HMCN1: variants seen among roughly 807,000 people sequenced by gnomAD.
HMCN1 encodes the protein hemicentin 1, also known as hemicentin-1.
HMCN1 carries 321 observed loss-of-function variants against 625.9 expected under a neutral mutation model. The ratio of observed to expected loss-of-function variants is 0.51; its 90% CI spans 0.47 to 0.56. The LOEUF is 0.56. Ranked by LOEUF, HMCN1 falls within the 20% of genes least tolerant of loss-of-function variation. The pLI, the probability that HMCN1 is intolerant of heterozygous loss-of-function variation, is 0.00. For synonymous variants in HMCN1, 2,425 were observed against 2,417.6 expected, an observed-to-expected ratio of 1.00 and a Z score of -0.09; for missense variants, 6,588 against 6,887.3, an observed-to-expected ratio of 0.96 and a Z score of 1.54.
At chr1:186,006,334 C>A (rs542814619) in intron 29 of HMCN1, among the ~76,000 whole-genome samples, 1 of 152,020 alleles carries the variant, frequency 6.6e-6, no homozygotes, top group African/African-American at 2.4e-5. Flanking sequence ...CATTATGTGG[C>A]TAAGTCATTG....
At chr1:185,867,295 T>A (rs539626414) in intron 4 of HMCN1, among the ~76,000 whole-genome samples, 1 of 152,148 alleles carries the variant, frequency 6.6e-6, no homozygotes, top group East Asian at 1.9e-4. Context: ...CCCTCAACAG[T>A]TGATTTGCCT....
chr1:186,013,566 C>T (rs1654137284), intron 30 of HMCN1, among the ~76,000 whole-genome samples: 1 of 152,106 alleles, frequency 6.6e-6, no homozygotes, highest in African/African-American at 2.4e-5. Flanking sequence ...TTCTAATATC[C>T]TTTTCCATTA....
At chr1:186,171,622 T>C (rs903951896) in intron 101 of HMCN1, among the ~76,000 whole-genome samples, 172 bp downstream of exon 101, 1 of 152,084 alleles carries the variant, frequency 6.6e-6, no homozygotes, top group African/African-American at 2.4e-5. Context: ...GTTTTATGAG[T>C]TTCTTTTTCT....
intron 6 of HMCN1, among the ~76,000 whole-genome samples, chr1:185,918,847 TTC>T (rs1192941829): frequency 1.3e-5 from 2 of 152,168 alleles, no homozygotes; most frequent in Non-Finnish European, 2.9e-5. Flanking sequence ...TTTCCTGTTA[TTC>T]TCTGAGACTG....
chr1:186,158,927 T>A (rs1651232829), intron 97 of HMCN1, among the ~76,000 whole-genome samples: 1 of 152,220 alleles, frequency 6.6e-6, no homozygotes, highest in Non-Finnish European at 1.5e-5. Flanking sequence ...AGGCTCTTTT[T>A]TGGTTCCATA....
rs1414540598 is a variant in HMCN1, at chr1:186,042,453, C to T, written c.6304+1317C>T. ...AGTCACCACAGAAATCTGAGATGGACTCCTTACATTTCTACACTGGCTAGC... is the reference window on the plus strand; with the variant it reads ...AGTCACCACAGAAATCTGAGATGGATTCCTTACATTTCTACACTGGCTAGC... On this transcript the variant is annotated intron_variant, in intron 40 of 106. Transcript: ENST00000271588. Among the ~76,000 whole-genome samples, 10 of 152,198 alleles carry T rather than the reference C, an allele frequency of 6.6e-5. No homozygotes were observed. In the South Asian group the frequency reaches 1.2e-3, roughly 19 times the overall value.
chr1:186,019,736 A>G, intron 35 of HMCN1, 41 bp downstream of exon 35: 1 of 1,520,672 alleles, frequency 6.6e-7, no homozygotes, highest in Non-Finnish European at 9.1e-7. Flanking sequence ...GGAAAGCTAC[A>G]TATATCTTCC....
chr1:186,074,685 C>T, intron 52 of HMCN1, 56 bp from the exon 53 acceptor site: 1 of 1,506,340 alleles, frequency 6.6e-7, no homozygotes, highest in Admixed American at 1.7e-5. Context: ...ACTGCATGGC[C>T]TCTTAGAGGA....
intron 82 of HMCN1, among the ~76,000 whole-genome samples, chr1:186,127,262 A>C (rs1661693913): frequency 6.6e-6 from 1 of 152,072 alleles, no homozygotes. Context: ...TTAGAATAAG[A>C]AGTTCAATAG....
At position 186,023,087 on chromosome 1, in the gene HMCN1, A is replaced by C; in HGVS notation, c.5683A>C (p.Arg1895=). 1.2e-6 allele frequency: 2 copies of C among 1,613,422 alleles called. No individual in the cohort carries two copies. Among genetic ancestry groups the C allele is most frequent in the Non-Finnish European group, 1.7e-6 (2 of 1,179,468 alleles). Residue 1895 remains arginine (R), a synonymous_variant, in exon 36 of 107, where the codon AGA becomes CGA. Transcript: ENST00000271588. ...CAAAACCCTGTTGGAAGATGCTGGCAGATACACATGTGTGGCTACCAACGC... is the reference window on the plus strand; with the variant it reads ...CAAAACCCTGTTGGAAGATGCTGGCCGATACACATGTGTGGCTACCAACGC... The part of the protein sequence containing the change: ...IAKTLLEDAG[R]YTCVATNAAG...
chr1:186,161,879 A>T (rs1371053204), intron 97 of HMCN1, among the ~76,000 whole-genome samples: 1 of 152,140 alleles, frequency 6.6e-6, no homozygotes, highest in African/African-American at 2.4e-5. Flanking sequence ...CAACTGGTGA[A>T]TCTGACAATT....
At position 186,071,577 on chromosome 1, in the gene HMCN1, TAGTC is replaced by T. The variant is rs200683554; in HGVS notation, c.8139+826_8139+829del. On this transcript the variant is annotated intron_variant, in intron 52 of 106. Transcript: ENST00000271588. ...CCTGTTTTACACATAATCAACCAAATAGTCAGTCAAATTCCAGTTGTAGAAGTTC... is the reference window on the plus strand; with the variant it reads ...CCTGTTTTACACATAATCAACCAAATAGTCAAATTCCAGTTGTAGAAGTTC... Among the ~76,000 whole-genome samples, 830 of 152,250 alleles carry T rather than the reference TAGTC, an allele frequency of 5.5e-3. 6 individuals are homozygous for T. The highest frequency in any genetic ancestry group is 0.03 in the Admixed American group (455 of 15,270).
At chr1:186,117,721 T>C (rs1661203430) in intron 77 of HMCN1, 98 bp downstream of exon 77, 4 of 1,148,848 alleles carry the variant, frequency 3.5e-6, no homozygotes, top group Non-Finnish European at 5.2e-6. Context: ...AAGAATAAAA[T>C]ATGCATGCAT....
intron 15 of HMCN1, among the ~76,000 whole-genome samples, chr1:185,973,004 T>G (rs1040537615): frequency 2.0e-5 from 3 of 152,124 alleles, no homozygotes; most frequent in African/African-American, 7.2e-5. Flanking sequence ...GGTTTAAAGG[T>G]AAACACACAT....
chr1:186,145,700 T>A (rs749136750), intron 92 of HMCN1, 53 bp from the exon 93 acceptor site: 21,120 of 1,613,574 alleles, frequency 0.013, 179 homozygotes, highest in Middle Eastern at 0.023. Context: ...GTATAGATTA[T>A]GAAGATTTTG....
chr1:185,784,482 G>A (rs1657412237), intron 1 of HMCN1, among the ~76,000 whole-genome samples: 1 of 152,010 alleles, frequency 6.6e-6, no homozygotes, highest in Non-Finnish European at 1.5e-5. Flanking sequence ...TTCCTGTTCG[G>A]CCATCTTGGA....
At chr1:186,020,750 G>A (rs559592269) in intron 35 of HMCN1, among the ~76,000 whole-genome samples, 2 of 152,160 alleles carry the variant, frequency 1.3e-5, no homozygotes, top group African/African-American at 2.4e-5. Context: ...GGAAGAGAAC[G>A]GAGTAGAGTG....
rs572182478 is a variant in HMCN1, at chr1:186,171,365, C to T, written c.15603C>T (p.Pro5201=). The part of the protein sequence containing the change: ...QDINECQESS[P]CHQRCFNAIG... ...TTAATGAATGTCAAGAATCCAGCCC[C>T]TGTCACCAGCGCTGTTTCAATGCCA... Residue 5201 remains proline (P), a synonymous_variant, in exon 101 of 107, where the codon CCC becomes CCT. Coordinates refer to ENST00000271588, the MANE Select transcript of HMCN1 (RefSeq NM_031935.3). 2.1e-5 allele frequency: 34 copies of T among 1,613,322 alleles called. No individual in the cohort carries two copies. In the South Asian group the frequency reaches 3.3e-4, roughly 16 times the overall value.
chr1:185,904,344 C>T (rs1316275565), intron 4 of HMCN1, among the ~76,000 whole-genome samples: 3 of 151,732 alleles, frequency 2.0e-5, no homozygotes, highest in Non-Finnish European at 4.4e-5. Flanking sequence ...GGGTTTACTA[C>T]AAAATGATTG....
Sources: allele counts gnomAD v4.1 joint callset (sites outside exome capture counted in the v4.1 genomes callset), GRCh38; gene constraint gnomAD v4.1.1; transcripts MANE v1.5; gene names NCBI Gene and HGNC (gene_info 2026-07-23, HGNC 2026-07-21).